Variants in BCL11A observed in about 807,000 individuals in gnomAD.
The protein encoded by BCL11A is BCL11 transcription factor A.
A neutral mutation model predicts 55.9 loss-of-function variants in BCL11A; 2 were observed. The observed-to-expected ratio is 0.04, with a 90% CI of 0.01 to 0.11. The LOEUF (loss-of-function observed/expected upper bound fraction) is 0.11. Ranked by LOEUF, BCL11A falls within the 10% of genes least tolerant of loss-of-function variation. The probability of loss-of-function intolerance (pLI) is 1.00; values close to 1 mark genes in which losing one functional copy is unlikely to be tolerated. For synonymous variants in BCL11A, 465 were observed against 473.4 expected, an observed-to-expected ratio of 0.98 and a Z score of 0.23; for missense variants, 817 against 1,137.1, an observed-to-expected ratio of 0.72 and a Z score of 4.05.
At chr2:60,535,365 GATAC>G (rs1286954627) in intron 2 of BCL11A, 1 of 152,166 alleles carries the variant, frequency 6.6e-6, no homozygotes, top group Non-Finnish European at 1.5e-5. Flanking sequence ...AAGGGGCTAA[GATAC>G]AAACAGAGGC....
intron 2 of BCL11A, 128 bp downstream of exon 2, chr2:60,545,843 A>G: frequency 2.7e-6 from 2 of 741,200 alleles, no homozygotes; most frequent in East Asian, 4.9e-5. Context: ...TTAACATTAC[A>G]GGGCTGTCAT....
Position 60,460,294 on chromosome 2 carries a change from A to G in BCL11A, c.*110T>C. 6.7e-7 allele frequency: 1 copy of G among 1,486,590 alleles called. No individual in the cohort carries two copies. The highest frequency in any genetic ancestry group is 8.9e-7 in the Non-Finnish European group (1 of 1,119,040). 92.1% of individuals were successfully genotyped at this position (1,486,590 alleles called of 1,614,324 possible). A position where few individuals can be genotyped will look rare whatever the true frequency, so the allele number is the denominator to read the frequency against. On this transcript the variant is annotated 3_prime_UTR_variant, in exon 4 of 4. Transcript: ENST00000642384. The stretch of plus-strand genomic sequence containing the variant: ...TTGTTTGTTTGTTTGTTTAAATCAC[A>G]TGGGACTAGAAAAAAATCCTACAGG...
chr2:60,552,934 A>G (rs1670482473), intron 1 of BCL11A, among the ~76,000 whole-genome samples: 1 of 152,048 alleles, frequency 6.6e-6, no homozygotes, highest in Non-Finnish European at 1.5e-5. Context: ...CGAAAAGAGA[A>G]ATAAAGCGGC....
In BCL11A at chr2:60,458,463, T is replaced by C; in HGVS notation, c.*1941A>G. 9.7e-7 allele frequency: 1 copy of C among 1,026,494 alleles called. No homozygotes were observed. The highest frequency in any genetic ancestry group is 1.2e-6 in the Non-Finnish European group (1 of 853,666). 63.6% of individuals were successfully genotyped at this position (1,026,494 alleles called of 1,614,324 possible). A position where few individuals can be genotyped will look rare whatever the true frequency, so the allele number is the denominator to read the frequency against. On this transcript the variant is annotated 3_prime_UTR_variant, in exon 4 of 4. Coordinates refer to ENST00000642384, the MANE Select transcript of BCL11A (RefSeq NM_022893.4). Reference sequence around the variant, plus strand: ...TTAACATTTATATTTAAAAAAGTTTTGTACAAAAAAATCCTTGCACTGTAG... The same window carrying C: ...TTAACATTTATATTTAAAAAAGTTTCGTACAAAAAAATCCTTGCACTGTAG...
intron 2 of BCL11A, among the ~76,000 whole-genome samples, chr2:60,511,139 G>A (rs1417223836): frequency 6.6e-6 from 1 of 152,188 alleles, no homozygotes; most frequent in South Asian, 2.1e-4. Flanking sequence ...AATCCCAGCT[G>A]CCTCCACGGC....
At chr2:60,540,973 T>C (rs1238953837) in intron 2 of BCL11A, among the ~76,000 whole-genome samples, 1 of 151,900 alleles carries the variant, frequency 6.6e-6, no homozygotes, top group African/African-American at 2.4e-5. Context: ...TGTGTGTGTG[T>C]GTGTGTGTGT....
chr2:60,468,691 A>G (rs920259345), intron 3 of BCL11A, 41 bp downstream of exon 3: 2 of 1,453,434 alleles, frequency 1.4e-6, no homozygotes, highest in African/African-American at 1.4e-5. Flanking sequence ...TCTCATCTCT[A>G]TACACATGGA....
At chr2:60,521,103 A>ACACACACT (rs1558471710) in intron 2 of BCL11A, among the ~76,000 whole-genome samples, 3 of 33,198 alleles carry the variant, frequency 9.0e-5, no homozygotes, top group African/African-American at 2.0e-4. Context: ...ACACACACTC[A>ACACACACT]CACACACACA....
At chr2:60,504,159 A>G (rs528363375) in intron 2 of BCL11A, among the ~76,000 whole-genome samples, 12 of 152,264 alleles carry the variant, frequency 7.9e-5, no homozygotes, top group South Asian at 4.1e-4. Context: ...GGACTCCCCA[A>G]ACAGAACAGA....
chr2:60,515,579 G>A (rs1665969269), intron 2 of BCL11A, among the ~76,000 whole-genome samples: 1 of 152,176 alleles, frequency 6.6e-6, no homozygotes, highest in African/African-American at 2.4e-5. Flanking sequence ...GGCCTTCCTA[G>A]TTACCTAGAA....
rs368407556 is a variant in BCL11A at position 60,462,120 on chromosome 2, G to T, written c.792C>A (p.Pro264=). 1.3e-5 allele frequency: 20 copies of T among 1,551,746 alleles called. No homozygotes were observed. Among genetic ancestry groups the T allele is most frequent in the Non-Finnish European group, 1.5e-5 (17 of 1,150,730 alleles). ...LAEGRFPPTP[P]LFSPPPRHHL... is the part of the protein sequence containing the mutation. ...GATGTCTCGGTGGTGGACTAAACAGGGGGGGAGTGGGTGGAAAGCGCCCTT... is the reference window on the plus strand; with the variant it reads ...GATGTCTCGGTGGTGGACTAAACAGTGGGGGAGTGGGTGGAAAGCGCCCTT... The change falls in exon 4 of 4, where the codon CCC becomes CCA. Residue 264 remains proline, a synonymous_variant. Transcript: ENST00000642384.
chr2:60,539,303 T>C (rs1669812880), intron 2 of BCL11A, among the ~76,000 whole-genome samples: 1 of 152,228 alleles, frequency 6.6e-6, no homozygotes, highest in Admixed American at 6.5e-5. Context: ...ACTGTGCGCC[T>C]ATTGTAAAGG....
intron 2 of BCL11A, among the ~76,000 whole-genome samples, chr2:60,531,780 G>A (rs767256575): frequency 2.6e-5 from 4 of 152,108 alleles, no homozygotes; most frequent in Non-Finnish European, 5.9e-5. Context: ...CCATGTGGTC[G>A]GGAAGTTACC....
downstream of BCL11A, chr2:60,452,419 G>T: frequency 1.6e-6 from 1 of 632,866 alleles, no homozygotes; most frequent in Non-Finnish European, 2.8e-6. Flanking sequence ...TGGCGCTGCA[G>T]GCCTAGGCTG....
intron 2 of BCL11A, among the ~76,000 whole-genome samples, chr2:60,471,455 C>G (rs903321736): frequency 1.3e-5 from 2 of 152,232 alleles, no homozygotes; most frequent in African/African-American, 4.8e-5. Context: ...AATCGACATT[C>G]CCACATGAAC....
chr2:60,464,073 G>A (rs999627650), intron 3 of BCL11A, among the ~76,000 whole-genome samples: 2 of 152,132 alleles, frequency 1.3e-5, no homozygotes, highest in Non-Finnish European at 2.9e-5. Context: ...AGCCAGCCTC[G>A]CTCAAGCACT....
At chr2:60,473,488 C>T (rs567861292) in intron 2 of BCL11A, among the ~76,000 whole-genome samples, 182 of 152,290 alleles carry the variant, frequency 1.2e-3, no homozygotes, top group African/African-American at 3.9e-3. Flanking sequence ...CTAGACTACA[C>T]TTAAAATGCA....
chr2:60,458,147 T>C lies in BCL11A; in HGVS notation c.*2257A>G. 1 of 1,027,886 alleles carries C rather than the reference T, an allele frequency of 9.7e-7. No homozygotes were observed. The highest frequency in any genetic ancestry group is 1.2e-6 in the Non-Finnish European group (1 of 854,418). The allele number at this position is 1,027,886 out of a possible 1,614,324, so 63.7% of individuals were successfully genotyped here. On this transcript the variant is annotated 3_prime_UTR_variant, in exon 4 of 4. Transcript: ENST00000642384. Reference sequence around the variant, plus strand: ...ATAGTGCCTAACACTAGATGAACATTTAATTCAAATACCATTCTAGAAATA... The same window carrying C: ...ATAGTGCCTAACACTAGATGAACATCTAATTCAAATACCATTCTAGAAATA...
At position 60,546,320 on chromosome 2, in the gene BCL11A, A is replaced by C; in HGVS notation, c.56-20T>G. ...GCTCGGCTGTGGTTGGAGAAACAAA[A>C]GCACAATTATTAGAGTGCCAGAGAG... On this transcript the variant is annotated intron_variant, in intron 1 of 3. Coordinates refer to ENST00000642384, the MANE Select transcript of BCL11A (RefSeq NM_022893.4). This position sits in a 1 kb window ranked among gnomAD's most constrained non-coding sequence, Gnocchi z 4.1. 6.2e-7 allele frequency: 1 copy of C among 1,606,426 alleles called. No individual in the cohort carries two copies. The highest frequency in any genetic ancestry group is 8.5e-7 in the Non-Finnish European group (1 of 1,174,984).
Sources: allele counts gnomAD v4.1 joint callset (sites outside exome capture counted in the v4.1 genomes callset), GRCh38; gene constraint gnomAD v4.1.1; non-coding constraint Gnocchi (gnomAD v3.1); transcripts MANE v1.5; gene names NCBI Gene and HGNC (gene_info 2026-07-23, HGNC 2026-07-21).